ABLIM2: variants seen among roughly 807,000 people sequenced by gnomAD.
ABLIM2 encodes the protein actin binding LIM protein family member 2, also known as actin-binding LIM protein 2.
A neutral mutation model predicts 97.7 loss-of-function variants in ABLIM2; 53 were observed. The ratio of observed to expected loss-of-function variants is 0.54; its 90% CI spans 0.44 to 0.68. The LOEUF is 0.68. Ranked by LOEUF, ABLIM2 falls within the 30% of genes least tolerant of loss-of-function variation. ABLIM2 has a pLI of 0.00. For synonymous variants in ABLIM2, 361 were observed against 345.8 expected, an observed-to-expected ratio of 1.04 and a Z score of -0.49; for missense variants, 835 against 867.2, an observed-to-expected ratio of 0.96 and a Z score of 0.47.
Position 8,088,283 on chromosome 4 carries a change from G to T in ABLIM2, c.340C>A (p.Leu114Met), listed in dbSNP as rs747646965. 19 of 1,611,512 alleles carry T rather than the reference G, an allele frequency of 1.2e-5. No individual in the cohort carries two copies. The highest frequency in any genetic ancestry group is 1.5e-5 in the Non-Finnish European group (18 of 1,178,972). The stretch of plus-strand genomic sequence containing the variant: ...ACTCGGTCCCCGGGGGGGAAGGGCA[G>T]CCTGAAACAAGAGAGCTCGTTACCA... ...PDCFVCAVCRLPFPPGDRVTF... is the reference protein window; with the variant it reads ...PDCFVCAVCRMPFPPGDRVTF... Residue 114 changes from leucine to methionine, a missense_variant and splice_region_variant, in exon 4 of 21, where the codon CTG (leucine) becomes ATG (methionine). Coordinates refer to ENST00000447017, the MANE Select transcript of ABLIM2 (RefSeq NM_001130083.2).
chr4:8,035,495 C>T (rs991305714), intron 10 of ABLIM2, among the ~76,000 whole-genome samples: 11 of 152,220 alleles, frequency 7.2e-5, no homozygotes, highest in Middle Eastern at 3.2e-3. Context: ...CACACACACT[C>T]GGGCCAACAG....
At chr4:7,975,474 G>A (rs550722302) in intron 20 of ABLIM2, among the ~76,000 whole-genome samples, 6 of 152,220 alleles carry the variant, frequency 3.9e-5, no homozygotes, top group South Asian at 2.1e-4. Flanking sequence ...ACTATGTGCC[G>A]CGTGGCACCT....
rs957741687 is a variant in ABLIM2, at chr4:8,008,323, C to A, written c.1477-123G>T. 4 of 924,924 alleles carry A rather than the reference C, an allele frequency of 4.3e-6. No individual in the cohort carries two copies. The Admixed American group carries it at 8.0e-5, about 18-fold the overall frequency. 57.3% of individuals were successfully genotyped at this position (924,924 alleles called of 1,614,324 possible). A position where few individuals can be genotyped will look rare whatever the true frequency, so the allele number is the denominator to read the frequency against. Reference sequence around the variant, plus strand: ...ACGAGCTGACCCCACTGTGAGAAAACTCAATATGTGAGAGATGCAGCTTTC... The same window carrying A: ...ACGAGCTGACCCCACTGTGAGAAAAATCAATATGTGAGAGATGCAGCTTTC... On this transcript the variant is annotated intron_variant, in intron 15 of 20. Transcript: ENST00000447017.
chr4:8,055,876 G>A (rs1798760131), intron 7 of ABLIM2, among the ~76,000 whole-genome samples: 1 of 152,082 alleles, frequency 6.6e-6, no homozygotes, highest in African/African-American at 2.4e-5. Context: ...ACTTCAGGAG[G>A]CCAAGGTGGG....
At chr4:8,048,329 C>A (rs1574414) in intron 8 of ABLIM2, among the ~76,000 whole-genome samples, 24,040 of 152,226 alleles carry the variant, frequency 0.16, 2,093 homozygotes, top group East Asian at 0.28. Flanking sequence ...GCGCCTTGTT[C>A]AGACCCACAG....
intron 14 of ABLIM2, among the ~76,000 whole-genome samples, chr4:8,017,015 T>C (rs1361175526): frequency 1.3e-5 from 2 of 152,212 alleles, no homozygotes; most frequent in Non-Finnish European, 2.9e-5. Flanking sequence ...CTCCGGTTTT[T>C]TAGGTCAACA....
chr4:8,038,750 G>A (rs1338729857), intron 9 of ABLIM2, among the ~76,000 whole-genome samples: 3 of 152,142 alleles, frequency 2.0e-5, no homozygotes, highest in South Asian at 2.1e-4. Context: ...CAAAAGACCC[G>A]AGATCCAATC....
At chr4:8,084,228 G>A (rs1163329500) in intron 4 of ABLIM2, among the ~76,000 whole-genome samples, 2 of 152,314 alleles carry the variant, frequency 1.3e-5, no homozygotes. Flanking sequence ...CGGCCCCAGC[G>A]CACTGCGGTC....
chr4:7,998,582 C>T lies in ABLIM2; in HGVS notation c.1619-5655G>A. 4.2e-6 allele frequency: 2 copies of T among 474,018 alleles called. No homozygotes were observed. Among genetic ancestry groups the T allele is most frequent in the South Asian group, 3.0e-5 (2 of 65,900 alleles). 29.4% of individuals were successfully genotyped at this position (474,018 alleles called of 1,614,324 possible). A position where few individuals can be genotyped will look rare whatever the true frequency, so the allele number is the denominator to read the frequency against. ...TGGAGACCATGCCCCTGGGTTCACT[C>T]CCAGGACTGCGGGGTGCCTGCTGGC... On this transcript the variant is annotated intron_variant, in intron 16 of 20. Coordinates refer to ENST00000447017, the MANE Select transcript of ABLIM2 (RefSeq NM_001130083.2). The surrounding 1 kb of genome is among the most constrained non-coding windows in gnomAD (Gnocchi z 6.4).
At chr4:7,968,669 G>C (rs1030473656) in intron 20 of ABLIM2, among the ~76,000 whole-genome samples, 1 of 152,222 alleles carries the variant, frequency 6.6e-6, no homozygotes, top group Non-Finnish European at 1.5e-5. Flanking sequence ...GGTCGCCAGG[G>C]ACTGGGGGAG....
Position 7,983,550 on chromosome 4 carries a change from G to A in ABLIM2, c.1740C>T (p.Tyr580=). 6.2e-7 allele frequency: 1 copy of A among 1,613,294 alleles called. No homozygotes were observed. Among genetic ancestry groups the A allele is most frequent in the Middle Eastern group, 1.6e-4 (1 of 6,062 alleles). The part of the protein sequence containing the change: ...DPDASWGMRE[Y]KIYPYDSLIV... ...GTGTGGGAGCGGCCCCGCTTACCTTGTATTCTGTAAGAGAGAGAGAGCGGA... is the reference window on the plus strand; with the variant it reads ...GTGTGGGAGCGGCCCCGCTTACCTTATATTCTGTAAGAGAGAGAGAGCGGA... Residue 580 remains tyrosine, a synonymous_variant, in exon 19 of 21, where the codon TAC becomes TAT. Coordinates refer to ENST00000447017, the MANE Select transcript of ABLIM2 (RefSeq NM_001130083.2).
At chr4:8,025,362 G>A (rs1776635880) in intron 12 of ABLIM2, among the ~76,000 whole-genome samples, 1 of 152,240 alleles carries the variant, frequency 6.6e-6, no homozygotes, top group Non-Finnish European at 1.5e-5. Flanking sequence ...CTGGCCCCGG[G>A]AGATGCCCTT....
chr4:8,099,192 C>T (rs569037875), intron 2 of ABLIM2, among the ~76,000 whole-genome samples: 2 of 152,182 alleles, frequency 1.3e-5, no homozygotes, highest in Non-Finnish European at 2.9e-5. Flanking sequence ...TAGCGTAGAC[C>T]AAGCAAATAC....
intron 16 of ABLIM2, chr4:8,007,344 C>A: frequency 1.0e-6 from 1 of 985,432 alleles, no homozygotes; most frequent in Non-Finnish European, 1.2e-6. Context: ...TGCTCTCACA[C>A]CCCCATCCAT....
Position 8,097,126 on chromosome 4 carries a change from G to C in ABLIM2, c.311C>G (p.Pro104Arg). The change falls in exon 3 of 21, where the codon CCC becomes CGC. Residue 104 changes from proline to arginine, a missense_variant. Pro to Arg is a moderately radical substitution (Grantham distance 103). Coordinates refer to ENST00000447017, the MANE Select transcript of ABLIM2 (RefSeq NM_001130083.2). ...GCAGACGGCACACACGAAGCAGTCG[G>C]GGTGGTAGGTCTTGCCCAGCGCCGA... ...VVSALGKTYH[P>R]DCFVCAVCRL... is the part of the protein sequence containing the mutation. The C allele has an allele frequency of 6.2e-7, 1 of 1,611,358 alleles. No homozygotes were observed. The highest frequency in any genetic ancestry group is 8.5e-7 in the Non-Finnish European group (1 of 1,178,924).
In ABLIM2 at chr4:7,986,231, T is replaced by A. The variant is rs1743933893; in HGVS notation, c.1681-1338A>T. Reference sequence around the variant, plus strand: ...CCAGCGGGTCTGTCACAGGGCAAAGTGTTTTCAACGCGAGCTTTGCAGTAG... The same window carrying A: ...CCAGCGGGTCTGTCACAGGGCAAAGAGTTTTCAACGCGAGCTTTGCAGTAG... On this transcript the variant is annotated intron_variant, in intron 17 of 20. Coordinates refer to ENST00000447017, the MANE Select transcript of ABLIM2 (RefSeq NM_001130083.2). This position sits in a 1 kb window ranked among gnomAD's most constrained non-coding sequence, Gnocchi z 4.3. 6.6e-6 allele frequency among the ~76,000 whole-genome samples: 1 copy of A among 152,124 alleles called. No individual in the cohort carries two copies. The highest frequency in any genetic ancestry group is 6.5e-5 in the Admixed American group (1 of 15,272).
rs577755745 is a variant in ABLIM2 at position 7,966,923 on chromosome 4, T to C, written c.*67A>G. On this transcript the variant is annotated 3_prime_UTR_variant, in exon 21 of 21. Transcript: ENST00000447017. ...GAGCAAGGTGTGTGGGAGGGGTGTG[T>C]GCGGTTCTCGCCAGGGGCCCCTGGC... 6.4e-4 allele frequency: 505 copies of C among 789,046 alleles called. 1 individual carries two copies. The African/African-American group carries it at 8.9e-3, about 14-fold the overall frequency. 48.9% of individuals were successfully genotyped at this position (789,046 alleles called of 1,614,324 possible).
intron 1 of ABLIM2, among the ~76,000 whole-genome samples, chr4:8,118,200 G>C (rs1843642310): frequency 1.3e-5 from 2 of 152,196 alleles, no homozygotes. Context: ...CACAGCATGA[G>C]CTCAACACAC....
chr4:8,133,594 T>C (rs1003642257), intron 1 of ABLIM2, among the ~76,000 whole-genome samples: 9 of 152,286 alleles, frequency 5.9e-5, no homozygotes, highest in African/African-American at 1.9e-4. Context: ...TGGTTTCGGA[T>C]CTGAAGATCC....
Sources: gnomAD v4.1 joint callset for allele counts (sites outside exome capture counted in the v4.1 genomes callset) on GRCh38, gnomAD v4.1.1 for gene constraint, Gnocchi (gnomAD v3.1) non-coding constraint, MANE v1.5 for transcripts, NCBI Gene and HGNC (gene_info 2026-07-23, HGNC 2026-07-21) for gene names.